Variants in NDUFAF6 observed in about 807,000 individuals in gnomAD.
NDUFAF6 encodes the protein NADH dehydrogenase (ubiquinone) complex I, assembly factor 6.
In NDUFAF6, 45 loss-of-function variants were observed where a neutral mutation model predicts 40.8. The ratio of observed to expected loss-of-function variants is 1.10; its 90% CI spans 0.87 to 1.42. The LOEUF is 1.42. NDUFAF6 is among the 40% of genes most tolerant of loss of function. The pLI is 0.00. For synonymous variants in NDUFAF6, 185 were observed against 155.9 expected, an observed-to-expected ratio of 1.19 and a Z score of -1.39; for missense variants, 435 against 418.5, an observed-to-expected ratio of 1.04 and a Z score of -0.34.
chr8:94,933,839 G>GC (rs1046736222), intron 1 of NDUFAF6, among the ~76,000 whole-genome samples: 8 of 148,458 alleles, frequency 5.4e-5, no homozygotes, highest in South Asian at 2.2e-4. Context: ...CTTTGTGGGG[G>GC]GGGGGGGAGG....
At position 95,057,883 on chromosome 8, in the gene NDUFAF6, G is replaced by T. The variant is rs1322002836; in HGVS notation, c.948G>T (p.Lys316Asn). ...TATTCCACCCATCTTTACAGCAGAA[G>T]AATACATTACTTCCATTATATTTGT... ...FDIFHPSLQQ[K>N]NTLLPLYLYI... The change falls in exon 9 of 9, where the codon AAG (lysine) becomes AAT (asparagine). Residue 316 changes from lysine (K) to asparagine (N), a missense_variant. Coordinates refer to ENST00000396124, the MANE Select transcript of NDUFAF6 (RefSeq NM_152416.4). 4 of 1,591,704 alleles carry T rather than the reference G, an allele frequency of 2.5e-6. No individual in the cohort carries two copies. Among genetic ancestry groups the T allele is most frequent in the Middle Eastern group, 1.7e-4 (1 of 6,010 alleles).
chr8:95,025,065 C>A lies in NDUFAF6; in HGVS notation c.57C>A (p.Gly19=). 1 of 1,434,616 alleles carries A rather than the reference C, an allele frequency of 7.0e-7. No individual in the cohort carries two copies. The highest frequency in any genetic ancestry group is 1.5e-5 in the South Asian group (1 of 68,574). The allele number at this position is 1,434,616 out of a possible 1,614,324, so 88.9% of individuals were successfully genotyped here. A position where few individuals can be genotyped will look rare whatever the true frequency, so the allele number is the denominator to read the frequency against. Residue 19 remains glycine (G), a synonymous_variant, in exon 1 of 9, where the codon GGC becomes GGA. Coordinates refer to ENST00000396124, the MANE Select transcript of NDUFAF6 (RefSeq NM_152416.4). ...VWGPLRLGIP[G]LCCRRPPLGL... is the part of the protein sequence containing the mutation. ...GGCCGTTGCGGCTTGGCATCCCCGG[C>A]CTGTGCTGCCGCCGGCCGCCTCTGG...
intron 2 of NDUFAF6, among the ~76,000 whole-genome samples, chr8:95,090,246 G>C (rs1359969438): frequency 3.3e-5 from 5 of 152,178 alleles, no homozygotes; most frequent in Non-Finnish European, 7.3e-5. Flanking sequence ...TATCAAATCA[G>C]GGTTTTCCTC....
At chr8:95,059,956 A>G (rs138073361), downstream of NDUFAF6, among the ~76,000 whole-genome samples, 218 of 141,756 alleles carry the variant, frequency 1.5e-3, 1 homozygote, top group African/African-American at 5.3e-3. Flanking sequence ...GTTAGGGAGC[A>G]TTGTCTGCAG....
At position 95,025,002 on chromosome 8, in the gene NDUFAF6, C is replaced by T. The variant is rs1424099588; in HGVS notation, c.-7C>T. Reference sequence around the variant, plus strand: ...CGGGGGGTCGAAGGGCACGCAGTGCCGGCGTCATGGCGGCCTCCGCGCACG... The same window carrying T: ...CGGGGGGTCGAAGGGCACGCAGTGCTGGCGTCATGGCGGCCTCCGCGCACG... On this transcript the variant is annotated 5_prime_UTR_variant, in exon 1 of 9. Transcript: ENST00000396124. 5 of 1,338,800 alleles carry T rather than the reference C, an allele frequency of 3.7e-6. No individual in the cohort carries two copies. Among genetic ancestry groups the T allele is most frequent in the Non-Finnish European group, 4.8e-6 (5 of 1,052,532 alleles). The allele number at this position is 1,338,800 out of a possible 1,614,324, so 82.9% of individuals were successfully genotyped here.
downstream of NDUFAF6, among the ~76,000 whole-genome samples, chr8:95,059,803 C>A (rs757779233): frequency 6.6e-6 from 1 of 151,796 alleles, no homozygotes; most frequent in Non-Finnish European, 1.5e-5. Context: ...GAGCTGAGAT[C>A]GTGCCACTGC....
chr8:95,115,892 C>T (rs1420981893), intron 5 of NDUFAF6, among the ~76,000 whole-genome samples: 1 of 152,158 alleles, frequency 6.6e-6, no homozygotes, highest in African/African-American at 2.4e-5. Context: ...AATCTCAGCA[C>T]TTTGGAAGGC....
intron 4 of NDUFAF6, among the ~76,000 whole-genome samples, chr8:95,113,614 A>G (rs1810057002): frequency 6.6e-6 from 1 of 152,206 alleles, no homozygotes; most frequent in Admixed American, 6.5e-5. Context: ...TCCTGAGGTC[A>G]TCTGCAGTGA....
intron 2 of NDUFAF6, among the ~76,000 whole-genome samples, chr8:95,008,587 A>G (rs894388522): frequency 2.6e-5 from 4 of 152,002 alleles, no homozygotes; most frequent in East Asian, 1.9e-4. Context: ...GCTCACTGCA[A>G]CCTCCGCCTC....
chr8:94,930,869 G>T (rs2945555), intron 1 of NDUFAF6: 1 of 1,021,716 alleles, frequency 9.8e-7, no homozygotes, highest in Non-Finnish European at 1.4e-6. Flanking sequence ...TGACAGACAA[G>T]TTTATTATTC....
intron 3 of NDUFAF6, among the ~76,000 whole-genome samples, chr8:95,036,993 G>A (rs943240379): frequency 1.3e-5 from 2 of 152,206 alleles, no homozygotes; most frequent in Non-Finnish European, 2.9e-5. Context: ...GGTATTTGAA[G>A]TGTTGGGTTC....
At chr8:94,993,302 C>G (rs531025384) in intron 2 of NDUFAF6, among the ~76,000 whole-genome samples, 7 of 152,202 alleles carry the variant, frequency 4.6e-5, no homozygotes, top group African/African-American at 1.7e-4. Flanking sequence ...CCAGAGGCAC[C>G]AAAAGTTAGG....
At chr8:95,048,649 G>C in intron 7 of NDUFAF6, 91 bp downstream of exon 7, 2 of 929,604 alleles carry the variant, frequency 2.2e-6, no homozygotes, top group Middle Eastern at 2.1e-4. Flanking sequence ...TTCCCAACTT[G>C]GCAGTCTTTT....
intron 1 of NDUFAF6, among the ~76,000 whole-genome samples, chr8:94,941,780 T>C (rs1222493993): frequency 1.3e-5 from 2 of 152,228 alleles, no homozygotes; most frequent in South Asian, 2.1e-4. Flanking sequence ...TAGGAAGTTA[T>C]GTGACTTCAG....
intron 1 of NDUFAF6, among the ~76,000 whole-genome samples, chr8:95,100,964 C>T (rs911954555): frequency 6.6e-6 from 1 of 152,108 alleles, no homozygotes; most frequent in African/African-American, 2.4e-5. Context: ...GCTTAATGTT[C>T]CATTTCTTGG....
intron 1 of NDUFAF6, among the ~76,000 whole-genome samples, chr8:94,904,138 T>G (rs1186153490): frequency 0.024 from 3,686 of 151,592 alleles, 125 homozygotes; most frequent in African/African-American, 0.083. Flanking sequence ...GTTTTTGTGG[T>G]TTTTTTGTTT....
intron 1 of NDUFAF6, 133 bp from the exon 2 acceptor site, chr8:95,031,862 A>G (rs1828889970): frequency 2.5e-6 from 2 of 812,758 alleles, no homozygotes; most frequent in Non-Finnish European, 4.2e-6. Flanking sequence ...TGGCCTCCCA[A>G]AGTGCTGGGA....
At chr8:95,058,765 A>C (rs949439950), downstream of NDUFAF6, 1 of 987,926 alleles carries the variant, frequency 1.0e-6, no homozygotes, top group African/African-American at 1.7e-5. Flanking sequence ...ACTGTGCTGT[A>C]TACTTGCATC....
downstream of NDUFAF6, among the ~76,000 whole-genome samples, chr8:95,106,483 A>G (rs1238019953): frequency 6.6e-6 from 1 of 152,208 alleles, no homozygotes; most frequent in Non-Finnish European, 1.5e-5. Flanking sequence ...AAATTAACTC[A>G]AGATGGATTA....
Sources: allele counts gnomAD v4.1 joint callset (sites outside exome capture counted in the v4.1 genomes callset), GRCh38; gene constraint gnomAD v4.1.1; transcripts MANE v1.5; gene names NCBI Gene and HGNC (gene_info 2026-07-23, HGNC 2026-07-21).